The following SCHIP1 variants were observed in gnomAD, a reference collection of about 807,000 sequenced individuals.
SCHIP1 encodes the protein schwannomin interacting protein 1.
A neutral mutation model predicts 29.7 loss-of-function variants in SCHIP1; 8 were observed. The ratio of observed to expected loss-of-function variants is 0.27; its 90% CI spans 0.16 to 0.49. The LOEUF (loss-of-function observed/expected upper bound fraction) is 0.49. Among genes scored for constraint, SCHIP1 ranks in the 20% least tolerant of loss-of-function variants. SCHIP1 has a pLI of 0.99. For missense variants in SCHIP1, 193 were observed against 294.6 expected (o/e 0.66, Z 2.52); for synonymous variants, 76 against 94.9 (o/e 0.80, Z 1.16).
At chr3:159,672,512 T>C in the SCHIP1 span, among the ~76,000 whole-genome samples, 1 of 152,210 alleles carries the variant, frequency 6.6e-6, no homozygotes, top group Non-Finnish European at 1.5e-5. Flanking sequence ...CAATGAGTAA[T>C]GATTCTTAAC....
the SCHIP1 span, among the ~76,000 whole-genome samples, chr3:159,417,133 G>C: frequency 6.6e-6 from 1 of 152,300 alleles, no homozygotes; most frequent in East Asian, 1.9e-4. Context: ...AGTCCCTTTG[G>C]TTCACTTCAC....
At chr3:159,500,788 C>T in the SCHIP1 span, among the ~76,000 whole-genome samples, 1 of 151,882 alleles carries the variant, frequency 6.6e-6, no homozygotes, top group Non-Finnish European at 1.5e-5. Context: ...TTCTTGGTAC[C>T]CTTTTAGTAT....
the SCHIP1 span, among the ~76,000 whole-genome samples, chr3:159,473,781 A>G: frequency 1.3e-5 from 2 of 151,932 alleles, no homozygotes; most frequent in East Asian, 3.8e-4. Context: ...ATCTAGATTT[A>G]TAAAAATTTT....
At chr3:159,381,251 A>G in the SCHIP1 span, among the ~76,000 whole-genome samples, 13 of 152,166 alleles carry the variant, frequency 8.5e-5, no homozygotes, top group Non-Finnish European at 1.9e-4. Flanking sequence ...TAAACTTTTG[A>G]ACTTAAAGAG....
the SCHIP1 span, among the ~76,000 whole-genome samples, chr3:159,636,422 T>A: frequency 6.6e-6 from 1 of 152,244 alleles, no homozygotes; most frequent in Non-Finnish European, 1.5e-5. Context: ...AACTCTGTTT[T>A]CTCTGCTGAA....
At chr3:159,399,291 T>G in the SCHIP1 span, among the ~76,000 whole-genome samples, 1 of 152,338 alleles carries the variant, frequency 6.6e-6, no homozygotes, top group Middle Eastern at 3.4e-3. Flanking sequence ...TTAGCTCTAC[T>G]TACTCTTTAT....
chr3:159,656,534 T>C, the SCHIP1 span, among the ~76,000 whole-genome samples: 2 of 152,132 alleles, frequency 1.3e-5, no homozygotes, highest in African/African-American at 4.8e-5. Flanking sequence ...AGACATCCTA[T>C]ACAACGGCAT....
chr3:159,851,381 A>G (rs1712615838), intron 1 of SCHIP1, among the ~76,000 whole-genome samples: 1 of 152,232 alleles, frequency 6.6e-6, no homozygotes, highest in Admixed American at 6.5e-5. Context: ...AGTGTGGGCC[A>G]CAGAGGCAGA....
At chr3:159,311,339 T>C in the SCHIP1 span, among the ~76,000 whole-genome samples, 1 of 152,272 alleles carries the variant, frequency 6.6e-6, no homozygotes, top group African/African-American at 2.4e-5. Context: ...TGCATCAGTT[T>C]GAAATTCTCT....
the SCHIP1 span, among the ~76,000 whole-genome samples, chr3:159,391,185 G>T: frequency 2.0e-5 from 3 of 152,058 alleles, no homozygotes; most frequent in African/African-American, 7.2e-5. Flanking sequence ...TGTTTCTACT[G>T]CCAACAAAAA....
the SCHIP1 span, among the ~76,000 whole-genome samples, chr3:159,287,259 T>C: frequency 4.6e-5 from 7 of 151,850 alleles, no homozygotes; most frequent in Admixed American, 4.6e-4. Context: ...AGTATAAGGA[T>C]TTTTAACTAT....
At chr3:159,802,753 G>A in the SCHIP1 span, among the ~76,000 whole-genome samples, 1 of 152,206 alleles carries the variant, frequency 6.6e-6, no homozygotes, top group Admixed American at 6.5e-5. Flanking sequence ...TTTGGATTAG[G>A]TTTAGGTGTA....
chr3:159,705,285 A>G, the SCHIP1 span, among the ~76,000 whole-genome samples: 2,508 of 152,128 alleles, frequency 0.016, 81 homozygotes, highest in African/African-American at 0.058. Flanking sequence ...ATTTTCAAAA[A>G]TTAATTTTGG....
At chr3:159,838,726 CA>C (rs201778667), upstream of SCHIP1, among the ~76,000 whole-genome samples, 23,320 of 150,602 alleles carry the variant, frequency 0.15, 1,907 homozygotes, top group East Asian at 0.22. Context: ...CCGTCTCTAC[CA>C]AAAAAAATAT....
At chr3:159,491,851 A>G in the SCHIP1 span, among the ~76,000 whole-genome samples, 1 of 152,222 alleles carries the variant, frequency 6.6e-6, no homozygotes, top group Admixed American at 6.5e-5. Context: ...GGCACCCCCA[A>G]GTAGGGGCAG....
At chr3:159,516,955 A>AT in the SCHIP1 span, among the ~76,000 whole-genome samples, 1 of 152,226 alleles carries the variant, frequency 6.6e-6, no homozygotes, top group East Asian at 1.9e-4. Context: ...GCAGAAGTAG[A>AT]TTAGAAAATT....
the SCHIP1 span, among the ~76,000 whole-genome samples, chr3:159,600,596 AT>A: frequency 2.0e-5 from 3 of 152,046 alleles, no homozygotes; most frequent in African/African-American, 7.2e-5. Context: ...AATTTTTTGT[AT>A]TTTTTTCAGA....
rs6441277 is a variant in SCHIP1 at position 159,854,321 on chromosome 3, G to A, written c.31-11842G>A. Among the ~76,000 whole-genome samples the A allele has an allele frequency of 7.6e-3, 1,158 of 152,196 alleles. 10 individuals are homozygous for A. Among genetic ancestry groups the A allele is most frequent in the African/African-American group, 0.027 (1,117 of 41,504 alleles). ...TGACATATAGAAAGAAGCTTCTGTC[G>A]TGATAGATCCTTACGTATAGTAATG... is the stretch of plus-strand genomic sequence containing the variant. On this transcript the variant is annotated intron_variant, in intron 1 of 6. Transcript: ENST00000445224.
chr3:159,445,095 C>T, the SCHIP1 span, among the ~76,000 whole-genome samples: 6 of 152,066 alleles, frequency 3.9e-5, no homozygotes, highest in East Asian at 1.2e-3. Context: ...AGGCAACCTA[C>T]AAAATGGGAG....
Sources: allele counts gnomAD v4.1 joint callset (sites outside exome capture counted in the v4.1 genomes callset), GRCh38; gene constraint gnomAD v4.1.1; transcripts MANE v1.5; gene names NCBI Gene and HGNC (gene_info 2026-07-23, HGNC 2026-07-21).